The following TMEM165 variants were observed in gnomAD, a reference collection of about 807,000 sequenced individuals.
TMEM165 encodes transmembrane protein 165.
Under a neutral mutation model 30.0 loss-of-function variants are expected in TMEM165, and 19 were observed. The observed-to-expected ratio is 0.63, with a 90% confidence interval of 0.44 to 0.93. The LOEUF is 0.93. Among genes scored for constraint, TMEM165 ranks in the 40% least tolerant of loss-of-function variants. The pLI is 0.00. For missense variants in TMEM165, 340 were observed against 417.0 expected (o/e 0.82, Z 1.61); for synonymous variants, 168 against 162.9 (o/e 1.03, Z -0.24).
intron 3 of TMEM165, among the ~76,000 whole-genome samples, chr4:55,447,384 C>A (rs890313236): frequency 6.6e-6 from 1 of 152,040 alleles, no homozygotes; most frequent in Non-Finnish European, 1.5e-5. Context: ...TAAAAAGTTA[C>A]ATTTATGTCA....
intron 3 of TMEM165, chr4:55,435,317 A>C: frequency 7.0e-7 from 1 of 1,427,312 alleles, no homozygotes; most frequent in Non-Finnish European, 9.9e-7. Flanking sequence ...GCATCTCATG[A>C]AACTGCTGGA....
intron 3 of TMEM165, among the ~76,000 whole-genome samples, chr4:55,444,400 G>A (rs1723615036): frequency 6.6e-6 from 1 of 151,930 alleles, no homozygotes; most frequent in African/African-American, 2.4e-5. Flanking sequence ...AATTTGGACT[G>A]GTAAAAAAAG....
intron 1 of TMEM165, 46 bp from the exon 2 acceptor site, chr4:55,411,568 A>T: frequency 6.7e-7 from 1 of 1,497,526 alleles, no homozygotes; most frequent in Non-Finnish European, 9.1e-7. Flanking sequence ...AAAATAAAAT[A>T]ATTTTGAATA....
At position 55,446,855 on chromosome 4, in the gene TMEM165, G is replaced by A. The variant is rs2109720092; in HGVS notation, c.409-5384G>A. Among the ~76,000 whole-genome samples the A allele has an allele frequency of 2.0e-5, 3 of 152,268 alleles. No individual in the cohort carries two copies. In the Middle Eastern group the frequency reaches 0.01, roughly 518 times the overall value. On this transcript the variant is annotated intron_variant, in intron 3 of 3. Transcript: ENST00000608091. ...CTCTTACAGTGAACTGTATGTAAAA[G>A]TGAGAAATGTCCTCCCCATCCAAAG...
intron 1 of TMEM165, among the ~76,000 whole-genome samples, chr4:55,400,296 A>AATATATATAATATATAATATAATATTAT (rs1176552286): frequency 4.8e-5 from 5 of 103,600 alleles, no homozygotes; most frequent in Admixed American, 1.4e-4. Flanking sequence ...TATTATATAT[A>AATATATATAATATATAATATAATATTAT]ATATTATATA....
At chr4:55,407,588 C>G (rs1471374604) in intron 1 of TMEM165, among the ~76,000 whole-genome samples, 1 of 152,056 alleles carries the variant, frequency 6.6e-6, no homozygotes, top group Non-Finnish European at 1.5e-5. Context: ...ATGTGGCCTA[C>G]CTTTGTGGCT....
chr4:55,402,677 A>C (rs1214403798), intron 1 of TMEM165, among the ~76,000 whole-genome samples: 1 of 143,464 alleles, frequency 7.0e-6, no homozygotes, highest in Non-Finnish European at 1.5e-5. Flanking sequence ...CAAGCTCCCA[A>C]CCTCGAGTGA....
intron 3 of TMEM165, chr4:55,442,268 A>T: frequency 1.5e-6 from 1 of 676,566 alleles, no homozygotes; most frequent in Non-Finnish European, 2.5e-6. Context: ...TGAAGTCTTT[A>T]AACAATGAAT....
chr4:55,417,700 A>T, intron 3 of TMEM165, 103 bp from the exon 4 acceptor site: 1 of 971,842 alleles, frequency 1.0e-6, no homozygotes, highest in Non-Finnish European at 1.5e-6. Context: ...GTTTTTTTGG[A>T]GCATATTTCA....
At chr4:55,414,337 G>A (rs1721642194) in intron 2 of TMEM165, among the ~76,000 whole-genome samples, 1 of 151,404 alleles carries the variant, frequency 6.6e-6, no homozygotes, top group Non-Finnish European at 1.5e-5. Flanking sequence ...TGTAATTTAA[G>A]TGGGTTTAAC....
intron 3 of TMEM165, chr4:55,449,607 A>T (rs1724244576): frequency 2.2e-6 from 2 of 914,672 alleles, no homozygotes; most frequent in African/African-American, 3.3e-5. Context: ...TTATTTTTCC[A>T]AACCATTCAA....
At chr4:55,429,998 A>T (rs1300873236), downstream of TMEM165, 1 of 152,244 alleles carries the variant, frequency 6.6e-6, no homozygotes, top group Non-Finnish European at 1.5e-5. Context: ...TGCAAAACAA[A>T]ACAAACCACA....
At position 55,403,364 on chromosome 4, in the gene TMEM165, C is replaced by T. The variant is rs765295976; in HGVS notation, c.207+6968C>T. 2.6e-6 allele frequency: 3 copies of T among 1,148,258 alleles called. No homozygotes were observed. In the South Asian group the frequency reaches 4.3e-5, roughly 16 times the overall value. 71.1% of individuals were successfully genotyped at this position (1,148,258 alleles called of 1,614,324 possible). On this transcript the variant is annotated intron_variant, in intron 1 of 5. Transcript: ENST00000381334. ...GTATCTGTATCAATTTCAATACAGTCACATTTGTGTTTATTTGAACTCTAG... is the reference window on the plus strand; with the variant it reads ...GTATCTGTATCAATTTCAATACAGTTACATTTGTGTTTATTTGAACTCTAG...
At chr4:55,397,864 G>A (rs1432250425) in intron 1 of TMEM165, among the ~76,000 whole-genome samples, 1 of 151,952 alleles carries the variant, frequency 6.6e-6, no homozygotes, top group East Asian at 1.9e-4. Flanking sequence ...CTCCTGAGTG[G>A]CTGGGACTGC....
intron 3 of TMEM165, among the ~76,000 whole-genome samples, chr4:55,450,454 A>G (rs1311159870): frequency 6.6e-6 from 1 of 152,208 alleles, no homozygotes; most frequent in Non-Finnish European, 1.5e-5. Context: ...TGAAGTTGGA[A>G]TCTCTTACAC....
At chr4:55,431,983 C>T (rs2109599747) in intron 3 of TMEM165, 1 of 152,336 alleles carries the variant, frequency 6.6e-6, no homozygotes, top group East Asian at 1.9e-4. Flanking sequence ...CCAACAACTA[C>T]AGCACTTCTG....
chr4:55,453,395 C>G, exon 4 of TMEM165: 1 of 487,648 alleles, frequency 2.1e-6, no homozygotes, highest in Non-Finnish European at 3.6e-6. Flanking sequence ...GTATGCTTAT[C>G]TACCTACAGT....
intron 4 of TMEM165, chr4:55,423,240 G>C (rs1310049578): frequency 6.6e-6 from 1 of 152,166 alleles, no homozygotes; most frequent in Non-Finnish European, 1.5e-5. Flanking sequence ...TTTCCATAAA[G>C]CCTATCATTC....
At chr4:55,413,913 C>T (rs993422156) in intron 2 of TMEM165, among the ~76,000 whole-genome samples, 1 of 152,060 alleles carries the variant, frequency 6.6e-6, no homozygotes, top group Non-Finnish European at 1.5e-5. Flanking sequence ...TGTATTGATA[C>T]AGTACTTGAA....
Sources: allele counts gnomAD v4.1 joint callset (sites outside exome capture counted in the v4.1 genomes callset), GRCh38; gene constraint gnomAD v4.1.1; transcripts MANE v1.5; gene names NCBI Gene and HGNC (gene_info 2026-07-23, HGNC 2026-07-21).